Variants in FHIT observed in about 807,000 individuals in gnomAD.
FHIT encodes the protein fragile histidine triad diadenosine triphosphatase.
FHIT carries 19 observed loss-of-function variants against 17.9 expected under a neutral mutation model. The observed-to-expected ratio is 1.06, with a 90% CI of 0.74 to 1.56. The LOEUF (loss-of-function observed/expected upper bound fraction) is 1.56. FHIT is among the 40% of genes most tolerant of loss of function. The pLI is 0.00. For synonymous variants in FHIT, 81 were observed against 69.7 expected, an observed-to-expected ratio of 1.16 and a Z score of -0.81; for missense variants, 248 against 189.2, an observed-to-expected ratio of 1.31 and a Z score of -1.82.
rs368428466 is a variant in FHIT, at chr3:60,310,161, C to A, written c.103+226699G>T. Among the ~76,000 whole-genome samples the A allele has an allele frequency of 4.6e-5, 7 of 152,230 alleles. No homozygotes were observed. The South Asian group carries it at 6.2e-4, about 14-fold the overall frequency. Reference sequence around the variant, plus strand: ...AGGCAAGTCAAAGCTGAAAGAAAAACCAAAATGGATTTCATGGATTTCAGG... The same window carrying A: ...AGGCAAGTCAAAGCTGAAAGAAAAAACAAAATGGATTTCATGGATTTCAGG... On this transcript the variant is annotated intron_variant, in intron 5 of 9. Coordinates refer to ENST00000492590, the MANE Select transcript of FHIT (RefSeq NM_002012.4).
At chr3:59,983,271 T>C (rs187682585) in intron 7 of FHIT, among the ~76,000 whole-genome samples, 54 of 152,078 alleles carry the variant, frequency 3.6e-4, no homozygotes, top group African/African-American at 1.3e-3. Context: ...AAAGAAGGGG[T>C]ATATTTATTG....
At chr3:60,317,747 G>C (rs1191980664) in intron 5 of FHIT, among the ~76,000 whole-genome samples, 2 of 149,236 alleles carry the variant, frequency 1.3e-5, no homozygotes, top group African/African-American at 4.9e-5. Context: ...CTAGTACTGG[G>C]AAGTACTAGT....
chr3:60,159,279 C>G (rs574127973), intron 5 of FHIT, among the ~76,000 whole-genome samples: 3 of 152,068 alleles, frequency 2.0e-5, no homozygotes, highest in African/African-American at 4.8e-5. Flanking sequence ...TGCCACCACA[C>G]CCAGCTAATT....
intron 3 of FHIT, among the ~76,000 whole-genome samples, chr3:60,834,491 A>C (rs1272043534): frequency 7.1e-6 from 1 of 140,526 alleles, no homozygotes; most frequent in African/African-American, 2.5e-5. Flanking sequence ...ATATATTCTA[A>C]ATACTAGTCC....
intron 5 of FHIT, among the ~76,000 whole-genome samples, chr3:60,330,910 G>C (rs971862495): frequency 6.6e-6 from 1 of 152,180 alleles, no homozygotes; most frequent in African/African-American, 2.4e-5. Context: ...TAAAGCAGAA[G>C]CTCCCAACCA....
intron 4 of FHIT, among the ~76,000 whole-genome samples, chr3:60,703,192 T>A (rs1290969030): frequency 1.3e-5 from 2 of 152,162 alleles, no homozygotes; most frequent in Non-Finnish European, 2.9e-5. Context: ...GAGTAATGTG[T>A]CTGCATGCCA....
In FHIT at chr3:60,273,892, AAATT is replaced by A. The variant is rs148367005; in HGVS notation, c.104-259744_104-259741del. On this transcript the variant is annotated intron_variant, in intron 5 of 9. Transcript: ENST00000492590. ...AAGTAATGTTCTGAAACATTTACAG[AAATT>A]AATAAAAGTATCTCATCTTTGTGTA... Among the ~76,000 whole-genome samples the A allele has an allele frequency of 5.6e-3, 847 of 152,356 alleles. 3 individuals are homozygous for A. Among genetic ancestry groups the A allele is most frequent in the Middle Eastern group, 0.017 (5 of 294 alleles).
intron 7 of FHIT, among the ~76,000 whole-genome samples, chr3:59,996,808 G>A (rs2107488820): frequency 6.6e-6 from 1 of 152,218 alleles, no homozygotes; most frequent in East Asian, 1.9e-4. Flanking sequence ...TGTCCACAAT[G>A]AGATTGAGAA....
intron 5 of FHIT, among the ~76,000 whole-genome samples, chr3:60,033,669 G>C (rs905270550): frequency 6.6e-6 from 1 of 152,182 alleles, no homozygotes; most frequent in Admixed American, 6.5e-5. Flanking sequence ...GTGGATAAAT[G>C]AAGCAAGTGT....
intron 4 of FHIT, among the ~76,000 whole-genome samples, chr3:60,686,196 G>A (rs1036062803): frequency 4.6e-5 from 7 of 152,108 alleles, no homozygotes; most frequent in African/African-American, 1.7e-4. Flanking sequence ...GTATTTAGCA[G>A]TGCAGTTTCA....
chr3:61,020,545 T>C (rs921747213), intron 3 of FHIT, among the ~76,000 whole-genome samples: 4 of 152,142 alleles, frequency 2.6e-5, no homozygotes, highest in Non-Finnish European at 5.9e-5. Context: ...GAAAAACTGG[T>C]ATACCATCCA....
intron 3 of FHIT, among the ~76,000 whole-genome samples, chr3:60,986,835 C>T (rs1305770990): frequency 6.6e-6 from 1 of 152,176 alleles, no homozygotes; most frequent in Non-Finnish European, 1.5e-5. Flanking sequence ...TCTGTGGGCA[C>T]TTACTCATTA....
At chr3:59,766,867 T>C (rs909642455) in intron 8 of FHIT, among the ~76,000 whole-genome samples, 1 of 152,240 alleles carries the variant, frequency 6.6e-6, no homozygotes, top group Non-Finnish European at 1.5e-5. Flanking sequence ...CTCTTTTTGA[T>C]TGATTTTGGC....
chr3:60,396,439 C>T (rs1039722387), intron 5 of FHIT, among the ~76,000 whole-genome samples: 4 of 152,104 alleles, frequency 2.6e-5, no homozygotes, highest in African/African-American at 9.7e-5. Context: ...AAAAACAAAA[C>T]CACTTCTGTG....
At chr3:60,379,937 A>G (rs1476921245) in intron 5 of FHIT, among the ~76,000 whole-genome samples, 1 of 152,224 alleles carries the variant, frequency 6.6e-6, no homozygotes, top group African/African-American at 2.4e-5. Context: ...AATTTTGTTT[A>G]ACATATAACC....
intron 3 of FHIT, chr3:60,856,585 G>T (rs2106937158): frequency 6.6e-6 from 1 of 152,170 alleles, no homozygotes; most frequent in African/African-American, 2.4e-5. Context: ...CCACAGAAAT[G>T]ACCCCTGGAA....
chr3:61,208,208 A>G (rs1231105525), intron 1 of FHIT, among the ~76,000 whole-genome samples: 1 of 151,892 alleles, frequency 6.6e-6, no homozygotes. Context: ...GTTCTTTTAC[A>G]TTTGCTGAGG....
At chr3:59,957,865 A>T (rs1292943094) in intron 7 of FHIT, among the ~76,000 whole-genome samples, 1 of 152,228 alleles carries the variant, frequency 6.6e-6, no homozygotes, top group Non-Finnish European at 1.5e-5. Flanking sequence ...ACATTTCCAT[A>T]CTCAGTAAAC....
intron 8 of FHIT, among the ~76,000 whole-genome samples, chr3:59,803,704 C>T (rs995037516): frequency 3.9e-5 from 6 of 152,126 alleles, no homozygotes; most frequent in Non-Finnish European, 8.8e-5. Context: ...TGGCTTTGTT[C>T]CCCAAATTTC....
Sources: allele counts gnomAD v4.1 joint callset (sites outside exome capture counted in the v4.1 genomes callset), GRCh38; gene constraint gnomAD v4.1.1; transcripts MANE v1.5; gene names NCBI Gene and HGNC (gene_info 2026-07-23, HGNC 2026-07-21).